RAB30: variants seen among roughly 807,000 people sequenced by gnomAD.
RAB30 encodes the protein RAB30, member RAS oncogene family.
In RAB30, 9 loss-of-function variants were observed where a neutral mutation model predicts 25.1. The ratio of observed to expected loss-of-function variants is 0.36; its 90% CI spans 0.22 to 0.63. The LOEUF (loss-of-function observed/expected upper bound fraction) is 0.63. Among genes scored for constraint, RAB30 ranks in the 20% least tolerant of loss-of-function variants. The pLI is 0.69. For missense variants in RAB30, 140 were observed against 243.5 expected (o/e 0.58, Z 2.83); for synonymous variants, 77 against 86.4 (o/e 0.89, Z 0.60).
At chr11:82,994,625 A>G (rs1590840230) in intron 2 of RAB30, among the ~76,000 whole-genome samples, 1 of 152,192 alleles carries the variant, frequency 6.6e-6, no homozygotes, top group South Asian at 2.1e-4. Context: ...GAAAAAACAA[A>G]TAAGAACTCA....
At chr11:83,008,577 T>G (rs1857236483) in intron 1 of RAB30, among the ~76,000 whole-genome samples, 1 of 152,198 alleles carries the variant, frequency 6.6e-6, no homozygotes, top group African/African-American at 2.4e-5. Context: ...CACTTTTAGT[T>G]TCCTAAGTGT....
chr11:83,015,080 T>G (rs1393076102), intron 1 of RAB30, among the ~76,000 whole-genome samples: 1 of 151,942 alleles, frequency 6.6e-6, no homozygotes, highest in Non-Finnish European at 1.5e-5. Context: ...GGGCAAGGAG[T>G]TTGGATTTCA....
At chr11:83,014,257 A>G (rs1222276050) in intron 1 of RAB30, among the ~76,000 whole-genome samples, 1 of 152,212 alleles carries the variant, frequency 6.6e-6, no homozygotes, top group Non-Finnish European at 1.5e-5. Flanking sequence ...ATTGAATAAG[A>G]AAGAGCCAGA....
intron 4 of RAB30, among the ~76,000 whole-genome samples, chr11:82,984,584 A>C (rs905220659): frequency 6.6e-6 from 1 of 152,156 alleles, no homozygotes; most frequent in African/African-American, 2.4e-5. Context: ...GTGAGTCGGA[A>C]CGCTAGCAGA....
At chr11:83,036,729 A>C (rs1222247327) in intron 1 of RAB30, among the ~76,000 whole-genome samples, 2 of 152,182 alleles carry the variant, frequency 1.3e-5, no homozygotes, top group Non-Finnish European at 2.9e-5. Flanking sequence ...TGAGAAAGTG[A>C]GATGTGAGCT....
intron 1 of RAB30, among the ~76,000 whole-genome samples, chr11:83,037,703 G>A (rs994800668): frequency 6.6e-6 from 1 of 152,142 alleles, no homozygotes; most frequent in Non-Finnish European, 1.5e-5. Context: ...ATGCTCGTGA[G>A]ATAGCCAACT....
At chr11:83,030,364 G>T (rs577473934) in intron 1 of RAB30, among the ~76,000 whole-genome samples, 2 of 151,752 alleles carry the variant, frequency 1.3e-5, no homozygotes, top group South Asian at 4.2e-4. Flanking sequence ...TGGGTGTGGT[G>T]GTATATGCCT....
At chr11:83,064,210 G>T (rs992533662) in intron 1 of RAB30, among the ~76,000 whole-genome samples, 1 of 152,006 alleles carries the variant, frequency 6.6e-6, no homozygotes, top group Non-Finnish European at 1.5e-5. Context: ...TGCCTCAGCC[G>T]CACCCTTCCC....
chr11:83,030,752 G>A (rs572128251), intron 1 of RAB30, among the ~76,000 whole-genome samples: 3 of 151,220 alleles, frequency 2.0e-5, no homozygotes, highest in East Asian at 1.9e-4. Flanking sequence ...AGCTGAGATC[G>A]TGCCATTGCA....
chr11:83,045,957 C>T (rs1858224543), intron 1 of RAB30, among the ~76,000 whole-genome samples: 1 of 152,148 alleles, frequency 6.6e-6, no homozygotes, highest in South Asian at 2.1e-4. Flanking sequence ...TCTCTTCAAG[C>T]TCTGGAATAT....
chr11:83,029,217 C>T (rs575920859), intron 1 of RAB30, among the ~76,000 whole-genome samples: 1 of 152,220 alleles, frequency 6.6e-6, no homozygotes, highest in Admixed American at 6.5e-5. Flanking sequence ...ACCCCACTGC[C>T]ATTAAACCCT....
intron 1 of RAB30, among the ~76,000 whole-genome samples, chr11:83,022,977 A>G (rs865774808): frequency 2.2e-4 from 33 of 151,202 alleles, no homozygotes; most frequent in African/African-American, 7.6e-4. Context: ...ATGTATGTGT[A>G]TATATATATA....
chr11:83,056,503 A>ATGTG (rs1211185107), intron 1 of RAB30, among the ~76,000 whole-genome samples: 4 of 152,226 alleles, frequency 2.6e-5, no homozygotes, highest in Admixed American at 2.6e-4. Flanking sequence ...AATCATAAAG[A>ATGTG]TGTGTTTCAA....
Position 82,980,708 on chromosome 11 carries a change from A to G in RAB30, c.*1457T>C, listed in dbSNP as rs1410823394. On this transcript the variant is annotated 3_prime_UTR_variant, in exon 5 of 5. Coordinates refer to ENST00000527633, the MANE Select transcript of RAB30 (RefSeq NM_001286060.2). ...CAAAGTATGGCACTGAAGAAAAAGA[A>G]ACACATATTCAGCAGCACATCTCCC... 13 of 152,212 alleles carry G rather than the reference A, an allele frequency of 8.5e-5. No homozygotes were observed. The highest frequency in any genetic ancestry group is 2.9e-4 in the African/African-American group (12 of 41,454). 9.4% of individuals were successfully genotyped at this position (152,212 alleles called of 1,614,324 possible).
In RAB30 at chr11:82,974,692, C is replaced by T. The variant is rs1021355873; in HGVS notation, c.*7473G>A. On this transcript the variant is annotated 3_prime_UTR_variant, in exon 5 of 5. Transcript: ENST00000527633. ...GTATTAATATTAAAGATCCATGTTTCAATGGAGTGATAGGAAATGTGGGGG... is the reference window on the plus strand; with the variant it reads ...GTATTAATATTAAAGATCCATGTTTTAATGGAGTGATAGGAAATGTGGGGG... 3.3e-5 allele frequency: 5 copies of T among 152,024 alleles called. No homozygotes were observed. The highest frequency in any genetic ancestry group is 1.3e-4 in the Admixed American group (2 of 15,250). The allele number at this position is 152,024 out of a possible 1,614,324, so 9.4% of individuals were successfully genotyped here.
At chr11:83,070,008 T>C (rs752682166) in intron 1 of RAB30, among the ~76,000 whole-genome samples, 9 of 151,950 alleles carry the variant, frequency 5.9e-5, no homozygotes, top group African/African-American at 1.9e-4. Context: ...TGTTCTAAGA[T>C]TGAAGAGAAA....
At chr11:83,062,030 T>C (rs964550005) in intron 1 of RAB30, among the ~76,000 whole-genome samples, 1 of 152,002 alleles carries the variant, frequency 6.6e-6, no homozygotes, top group African/African-American at 2.4e-5. Context: ...ATGAACCATA[T>C]GAAAGTAAAT....
intron 1 of RAB30, among the ~76,000 whole-genome samples, chr11:83,063,068 C>T (rs1372241339): frequency 6.6e-6 from 1 of 151,704 alleles, no homozygotes; most frequent in Non-Finnish European, 1.5e-5. Context: ...GTTTGCTTCA[C>T]CCAGCCACAG....
chr11:83,002,998 G>A (rs888685647), intron 1 of RAB30, among the ~76,000 whole-genome samples: 2 of 152,176 alleles, frequency 1.3e-5, no homozygotes, highest in African/African-American at 4.8e-5. Context: ...TCTCAGGCAG[G>A]TCCTTTGGGC....
Sources: allele counts gnomAD v4.1 joint callset (sites outside exome capture counted in the v4.1 genomes callset), GRCh38; gene constraint gnomAD v4.1.1; transcripts MANE v1.5; gene names NCBI Gene and HGNC (gene_info 2026-07-23, HGNC 2026-07-21).